TMEM132D: variants seen among roughly 807,000 people sequenced by gnomAD.
The protein encoded by TMEM132D is mature OL transmembrane protein.
A neutral mutation model predicts 62.3 loss-of-function variants in TMEM132D; 21 were observed. The observed-to-expected ratio is 0.34, with a 90% confidence interval of 0.24 to 0.49. The LOEUF (loss-of-function observed/expected upper bound fraction) is 0.49. Ranked by LOEUF, TMEM132D falls within the 20% of genes least tolerant of loss-of-function variation. The pLI is 0.99. For synonymous variants in TMEM132D, 621 were observed against 575.6 expected (o/e 1.08, Z -1.13); for missense variants, 1,346 against 1,402.8 (o/e 0.96, Z 0.65).
At chr12:129,777,899 C>T (rs566360990) in intron 1 of TMEM132D, among the ~76,000 whole-genome samples, 55 of 152,022 alleles carry the variant, frequency 3.6e-4, no homozygotes, top group African/African-American at 1.2e-3. Flanking sequence ...TTCGGGAAGC[C>T]GAGGTGGGAG....
chr12:129,197,086 C>T (rs987221967), intron 5 of TMEM132D, among the ~76,000 whole-genome samples: 7 of 152,174 alleles, frequency 4.6e-5, no homozygotes, highest in Non-Finnish European at 1.0e-4. Context: ...TGATTTCTCT[C>T]ACAACAGCTC....
intron 1 of TMEM132D, among the ~76,000 whole-genome samples, chr12:129,801,407 G>A (rs1467401869): frequency 2.0e-5 from 3 of 151,786 alleles, no homozygotes; most frequent in Admixed American, 6.6e-5. Flanking sequence ...CTAACTGGGA[G>A]GCACCCCCCA....
chr12:129,665,913 C>T (rs1880364933), intron 2 of TMEM132D, among the ~76,000 whole-genome samples: 1 of 151,918 alleles, frequency 6.6e-6, no homozygotes, highest in Admixed American at 6.6e-5. Flanking sequence ...TTGAGAATTA[C>T]CTAGTTTACA....
intron 2 of TMEM132D, among the ~76,000 whole-genome samples, chr12:129,559,625 C>T (rs1398541771): frequency 6.6e-6 from 1 of 152,152 alleles, no homozygotes; most frequent in African/African-American, 2.4e-5. Context: ...CATTCCTCTT[C>T]ATCTAACATA....
intron 3 of TMEM132D, among the ~76,000 whole-genome samples, chr12:129,389,852 C>G (rs1871247468): frequency 6.6e-6 from 1 of 152,124 alleles, no homozygotes; most frequent in Admixed American, 6.5e-5. Context: ...GGTTTTTGTC[C>G]AAGGCCAAAT....
At position 129,903,062 on chromosome 12, in the gene TMEM132D, C is replaced by T. The variant is rs1875417017; in HGVS notation, c.79+199G>A. Among the ~76,000 whole-genome samples the T allele has an allele frequency of 6.6e-6, 1 of 152,210 alleles. No homozygotes were observed. The highest frequency in any genetic ancestry group is 2.1e-4 in the South Asian group (1 of 4,826). On this transcript the variant is annotated intron_variant, in intron 1 of 8. Coordinates refer to ENST00000422113, the MANE Select transcript of TMEM132D (RefSeq NM_133448.3). The surrounding 1 kb of genome is among the most constrained non-coding windows in gnomAD (Gnocchi z 6.2). ...CACCCAAGTGCTCCAGGACAAGCAC[C>T]TTCGGCCAAGGGGCGTCCGAGGAGC... is the stretch of plus-strand genomic sequence containing the variant.
chr12:129,454,508 C>T (rs1873397661), intron 3 of TMEM132D, among the ~76,000 whole-genome samples: 3 of 152,168 alleles, frequency 2.0e-5, no homozygotes, highest in African/African-American at 7.2e-5. Context: ...GATAAAGGAG[C>T]TGTCAGATGG....
chr12:129,478,881 A>T (rs1415024794), intron 3 of TMEM132D, among the ~76,000 whole-genome samples: 1 of 152,166 alleles, frequency 6.6e-6, no homozygotes, highest in African/African-American at 2.4e-5. Flanking sequence ...TGTATTTGGC[A>T]TTTTGCCCCT....
rs144393970 is a variant in TMEM132D, at chr12:129,809,805, G to A, written c.79+93456C>T. Among the ~76,000 whole-genome samples the A allele has an allele frequency of 1.3e-3, 201 of 152,152 alleles. 1 individual carries two copies. Among genetic ancestry groups the A allele is most frequent in the African/African-American group, 4.5e-3 (188 of 41,508 alleles). ...CATGATGAAAAGTAGCAATGAGAGA[G>A]GGTAAATAAACACAGATGCTCAGAA... On this transcript the variant is annotated intron_variant, in intron 1 of 8. Transcript: ENST00000422113.
At position 129,217,735 on chromosome 12, in the gene TMEM132D, G is replaced by A. The variant is rs538631418; in HGVS notation, c.1300-8072C>T. On this transcript the variant is annotated intron_variant, in intron 4 of 8. Coordinates refer to ENST00000422113, the MANE Select transcript of TMEM132D (RefSeq NM_133448.3). Reference sequence around the variant, plus strand: ...GCAAAAAGGTAGCATTTTTTACAGAGGTTAGCTGTTAATAGACATGAGACA... The same window carrying A: ...GCAAAAAGGTAGCATTTTTTACAGAAGTTAGCTGTTAATAGACATGAGACA... Among the ~76,000 whole-genome samples, 6 of 152,208 alleles carry A rather than the reference G, an allele frequency of 3.9e-5. No individual in the cohort carries two copies. In the South Asian group the frequency reaches 1.2e-3, roughly 32 times the overall value.
At chr12:129,489,581 T>G (rs1379019050) in intron 3 of TMEM132D, among the ~76,000 whole-genome samples, 1 of 152,266 alleles carries the variant, frequency 6.6e-6, no homozygotes, top group Non-Finnish European at 1.5e-5. Context: ...TATTTGGCCT[T>G]GGCCTTTTAA....
intron 2 of TMEM132D, among the ~76,000 whole-genome samples, chr12:129,608,465 G>A (rs1222290751): frequency 1.3e-5 from 2 of 152,184 alleles, no homozygotes; most frequent in Non-Finnish European, 1.5e-5. Flanking sequence ...ACAGGTCAGA[G>A]CTTAGACAAC....
intron 2 of TMEM132D, among the ~76,000 whole-genome samples, chr12:129,622,188 C>T (rs1891743676): frequency 6.6e-6 from 1 of 152,194 alleles, no homozygotes; most frequent in East Asian, 1.9e-4. Flanking sequence ...CATTTCGAAA[C>T]GGATGAAAAA....
intron 4 of TMEM132D, among the ~76,000 whole-genome samples, chr12:129,244,677 A>G (rs1261300659): frequency 2.6e-5 from 4 of 151,728 alleles, no homozygotes; most frequent in Admixed American, 1.3e-4. Flanking sequence ...GTCTTGCTCT[A>G]TTGTCCAGGC....
intron 1 of TMEM132D, among the ~76,000 whole-genome samples, chr12:129,768,471 A>T (rs74345567): frequency 0.94 from 142,010 of 151,126 alleles, 67,138 homozygotes; most frequent in Non-Finnish European, 1. Context: ...TTCCTTAAAA[A>T]TTTAAGGAAC....
chr12:129,495,048 A>G (rs1048926611), intron 3 of TMEM132D, among the ~76,000 whole-genome samples: 13 of 152,222 alleles, frequency 8.5e-5, no homozygotes, highest in African/African-American at 2.9e-4. Flanking sequence ...TCTCTGTGCC[A>G]GAAACATAGG....
At chr12:129,254,527 T>G (rs1227186332) in intron 4 of TMEM132D, among the ~76,000 whole-genome samples, 1 of 152,090 alleles carries the variant, frequency 6.6e-6, no homozygotes, top group African/African-American at 2.4e-5. Context: ...AGTAATCAAA[T>G]GGGGATAAAT....
intron 1 of TMEM132D, among the ~76,000 whole-genome samples, chr12:129,835,686 T>G (rs1249868134): frequency 6.6e-6 from 1 of 152,198 alleles, no homozygotes; most frequent in Non-Finnish European, 1.5e-5. Flanking sequence ...AAATGTATAG[T>G]ATAGTTGTGT....
intron 1 of TMEM132D, among the ~76,000 whole-genome samples, chr12:129,751,359 A>C (rs111339789): frequency 5.3e-5 from 8 of 152,204 alleles, no homozygotes; most frequent in Non-Finnish European, 1.0e-4. Context: ...CTCACTCGCT[A>C]TTAAGAGAAC....
Sources: gnomAD v4.1 joint callset for allele counts (sites outside exome capture counted in the v4.1 genomes callset) on GRCh38, gnomAD v4.1.1 for gene constraint, Gnocchi (gnomAD v3.1) non-coding constraint, MANE v1.5 for transcripts, NCBI Gene and HGNC (gene_info 2026-07-23, HGNC 2026-07-21) for gene names.